Variants in COCH observed in about 807,000 individuals in gnomAD.
COCH encodes the protein cochlin.
A neutral mutation model predicts 54.8 loss-of-function variants in COCH; 40 were observed. That is an observed-to-expected ratio of 0.73 (90% confidence interval 0.57 to 0.95). The LOEUF (loss-of-function observed/expected upper bound fraction) is 0.95. Ranked by LOEUF, COCH falls within the 40% of genes least tolerant of loss-of-function variation. The pLI is 0.00. For synonymous variants in COCH, 256 were observed against 237.9 expected (o/e 1.08, Z -0.70); for missense variants, 605 against 675.0 (o/e 0.90, Z 1.15).
At chr14:30,875,522 C>G (rs1181333840) in intron 3 of COCH, 2 of 498,056 alleles carry the variant, frequency 4.0e-6, no homozygotes, top group Non-Finnish European at 7.0e-6. Context: ...TTCAGGTTGC[C>G]GTAGCCGAGA....
chr14:30,882,120 G>GTTTTTTTTTTGTTTGTTTGTTT lies in COCH; in HGVS notation c.629+1396_629+1397insGTTTGTTTGTTTTTTTTTTTTT, dbSNP rs1895618905. On this transcript the variant is annotated intron_variant, in intron 8 of 11. Transcript: ENST00000396618. ...CCCTAGAGATAATCACTATAAAATG[G>GTTTTTTTTTTGTTTGTTTGTTT]TTTTTTTTTTTTTTTTTTTTTTTTT... 4.4e-4 allele frequency among the ~76,000 whole-genome samples: 30 copies of GTTTTTTTTTTGTTTGTTTGTTT among 67,914 alleles called. 2 individuals are homozygous for GTTTTTTTTTTGTTTGTTTGTTT. The highest frequency in any genetic ancestry group is 1.9e-3 in the African/African-American group (29 of 15,214). 44.6% of individuals were successfully genotyped at this position (67,914 alleles called of 152,430 possible). A position where few individuals can be genotyped will look rare whatever the true frequency, so the allele number is the denominator to read the frequency against.
At chr14:30,876,952 C>T (rs757626400) in intron 3 of COCH, among the ~76,000 whole-genome samples, 7 of 151,936 alleles carry the variant, frequency 4.6e-5, no homozygotes, top group Non-Finnish European at 1.0e-4. Flanking sequence ...GCATGCACCA[C>T]CACGTGTGGC....
chr14:30,879,341 T>A (rs1037454925), intron 5 of COCH, 82 bp from the exon 6 acceptor site: 4 of 1,374,152 alleles, frequency 2.9e-6, no homozygotes, highest in Non-Finnish European at 4.1e-6. Context: ...ACATTTGTCA[T>A]TGTAGAGAGC....
chr14:30,878,483 C>G (rs567319986), intron 4 of COCH, among the ~76,000 whole-genome samples: 7 of 152,084 alleles, frequency 4.6e-5, no homozygotes, highest in South Asian at 2.1e-4. Context: ...ATGGTGAAAC[C>G]CTGTCTCTAC....
At chr14:30,875,472 G>A (rs1895324426) in intron 3 of COCH, 3 of 535,766 alleles carry the variant, frequency 5.6e-6, no homozygotes, top group Non-Finnish European at 9.8e-6. Context: ...CCTGGGCTCT[G>A]CTGCGTTTGG....
At chr14:30,885,368 T>C in intron 9 of COCH, 26 bp from the exon 10 acceptor site, 1 of 1,566,636 alleles carries the variant, frequency 6.4e-7, no homozygotes, top group Non-Finnish European at 8.8e-7. Flanking sequence ...GTAAAGGCTA[T>C]TTGTTTGCTT....
At chr14:30,875,319 AGT>A (rs1408333753) in intron 3 of COCH, 1 of 662,208 alleles carries the variant, frequency 1.5e-6, no homozygotes, top group East Asian at 2.7e-5. Flanking sequence ...CCTGGGGTCC[AGT>A]GGGGGGACGT....
At chr14:30,885,024 A>G (rs1555311747) in intron 9 of COCH, 3 of 1,598,166 alleles carry the variant, frequency 1.9e-6, no homozygotes, top group East Asian at 2.2e-5. Context: ...GTTGACTCTG[A>G]AGAGAGACTT....
intron 8 of COCH, 121 bp downstream of exon 8, chr14:30,880,855 A>G (rs1895555215): frequency 2.6e-6 from 2 of 757,084 alleles, no homozygotes; most frequent in Non-Finnish European, 4.5e-6. Flanking sequence ...TATAGTGGTC[A>G]AATCAGAGTA....
rs1324503739 is a variant in COCH at position 30,878,818 on chromosome 14, A to G, written c.247A>G (p.Ile83Val). The stretch of plus-strand genomic sequence containing the variant: ...GCTATTCTTGTGTTACAGGGGAGTA[A>G]TCAGCAACTCAGGGGGACCTGTACG... Reference protein sequence around the residue: ...ICGAAVHRGVISNSGGPVRVY... With the variant: ...ICGAAVHRGVVSNSGGPVRVY... Residue 83 changes from isoleucine to valine, a missense_variant, in exon 5 of 12, where the codon ATC becomes GTC. Ile to Val is a conservative substitution (Grantham distance 29, BLOSUM62 3). Coordinates refer to ENST00000396618, the MANE Select transcript of COCH (RefSeq NM_004086.3). The G allele has an allele frequency of 1.9e-6, 3 of 1,614,136 alleles. No individual in the cohort carries two copies. The Admixed American group carries it at 5.0e-5, about 27-fold the overall frequency.
In COCH at chr14:30,874,922, G is replaced by A. The variant is rs1895297315; in HGVS notation, c.-17G>A. The A allele has an allele frequency of 6.2e-7, 1 of 1,613,356 alleles. No individual in the cohort carries two copies. Among genetic ancestry groups the A allele is most frequent in the South Asian group, 1.1e-5 (1 of 91,080 alleles). ...CATTCTCCCTCTCTCCCAGGTGTGAGCAGCCTATCAGTCACCATGTCCGCA... is the reference window on the plus strand; with the variant it reads ...CATTCTCCCTCTCTCCCAGGTGTGAACAGCCTATCAGTCACCATGTCCGCA... On this transcript the variant is annotated 5_prime_UTR_variant, in exon 2 of 12. Transcript: ENST00000396618.
Position 30,890,248 on chromosome 14 carries a change from C to A in COCH, c.*457C>A. 1 of 986,642 alleles carries A rather than the reference C, an allele frequency of 1.0e-6. No homozygotes were observed. The highest frequency in any genetic ancestry group is 1.2e-6 in the Non-Finnish European group (1 of 830,794). The allele number at this position is 986,642 out of a possible 1,614,324, so 61.1% of individuals were successfully genotyped here. On this transcript the variant is annotated 3_prime_UTR_variant, in exon 12 of 12. Coordinates refer to ENST00000396618, the MANE Select transcript of COCH (RefSeq NM_004086.3). ...TGGTTCAGGTACACATATTTTGACC[C>A]AAGTGGATATTTTCTTAAAACCAAT...
intron 5 of COCH, 42 bp downstream of exon 5, chr14:30,878,986 C>A: frequency 6.2e-7 from 1 of 1,610,692 alleles, no homozygotes; most frequent in East Asian, 2.2e-5. Flanking sequence ...ATTCTCCCAC[C>A]CCCCAAACGT....
At chr14:30,894,882 A>ATT, downstream of COCH, 1 of 869,696 alleles carries the variant, frequency 1.1e-6, no homozygotes, top group Non-Finnish European at 1.5e-6. Flanking sequence ...TTTAAGTTAA[A>ATT]TTTTCTTTTT....
chr14:30,882,725 T>C (rs909522519), intron 8 of COCH, among the ~76,000 whole-genome samples: 16 of 152,158 alleles, frequency 1.1e-4, no homozygotes, highest in African/African-American at 3.9e-4. Flanking sequence ...AAGCCTCTGA[T>C]ATAAATAGTG....
At chr14:30,875,166 C>T (rs1566404967) in intron 3 of COCH, 63 bp downstream of exon 3, 2 of 1,537,644 alleles carry the variant, frequency 1.3e-6, no homozygotes. Flanking sequence ...CGGGTACAAG[C>T]GGGACTCAGA....
intron 8 of COCH, 179 bp from the exon 9 acceptor site, chr14:30,884,374 C>A (rs1459523593): frequency 1.7e-6 from 1 of 596,846 alleles, no homozygotes; most frequent in Non-Finnish European, 3.0e-6. Context: ...ATTTGTTACA[C>A]CTCTGAAATA....
At chr14:30,875,599 C>CTT in intron 3 of COCH, 1 of 389,878 alleles carries the variant, frequency 2.6e-6, no homozygotes, top group Non-Finnish European at 4.5e-6. Context: ...GGTGTAACCC[C>CTT]TATAATCAGA....
At chr14:30,882,268 C>A (rs1259809592) in intron 8 of COCH, among the ~76,000 whole-genome samples, 2 of 150,906 alleles carry the variant, frequency 1.3e-5, no homozygotes, top group East Asian at 3.9e-4. Flanking sequence ...TAGCTGGGAT[C>A]ACAGGTGTGC....
Sources: allele counts gnomAD v4.1 joint callset (sites outside exome capture counted in the v4.1 genomes callset), GRCh38; gene constraint gnomAD v4.1.1; transcripts MANE v1.5; gene names NCBI Gene and HGNC (gene_info 2026-07-23, HGNC 2026-07-21).